The following PMP22 variants were observed in gnomAD, a reference collection of about 807,000 sequenced individuals.
PMP22 encodes peripheral myelin protein 22, also known as Charcot-Marie-Tooth neuropathy 1A (greatly reduced nerve conduction velocity, hereditary motor sensory neuropathy Ia).
A neutral mutation model predicts 18.9 loss-of-function variants in PMP22; 2 were observed. That is an observed-to-expected ratio of 0.11 (90% CI 0.04 to 0.33). The LOEUF (loss-of-function observed/expected upper bound fraction) is 0.33, where lower values mean the gene tolerates loss of function less well. Among genes scored for constraint, PMP22 ranks in the 10% least tolerant of loss-of-function variants. The probability of loss-of-function intolerance (pLI) is 1.00; values close to 1 mark genes in which losing one functional copy is unlikely to be tolerated. For missense variants in PMP22, 169 were observed against 202.2 expected (o/e 0.84, Z 1.00); for synonymous variants, 95 against 89.2 (o/e 1.07, Z -0.37).
In PMP22 at chr17:15,230,974, G is replaced by C. The variant is rs763227987; in HGVS notation, c.426C>G (p.Ala142=). 2 of 1,614,014 alleles carry C rather than the reference G, an allele frequency of 1.2e-6. No individual in the cohort carries two copies. The highest frequency in any genetic ancestry group is 1.7e-6 in the Non-Finnish European group (2 of 1,180,006). The change falls in exon 5 of 5, where the codon GCC becomes GCG. Residue 142 remains alanine (A), a synonymous_variant. Transcript: ENST00000312280. ...YGFAYILAWV[A]FPLALLSGVI... The stretch of plus-strand genomic sequence containing the variant: ...CACCGCTGAGAAGGGCCAGGGGGAA[G>C]GCCACCCAGGCCAGGATGTAGGCGA...
At position 15,253,977 on chromosome 17, in the gene PMP22, T is replaced by A. The variant is rs146031481; in HGVS notation, c.178+5117A>T. Among the ~76,000 whole-genome samples the A allele has an allele frequency of 2.6e-5, 4 of 152,310 alleles. No homozygotes were observed. The East Asian group carries it at 7.7e-4, about 29-fold the overall frequency. On this transcript the variant is annotated intron_variant, in intron 3 of 4. Transcript: ENST00000312280. The stretch of plus-strand genomic sequence containing the variant: ...GCAATAGTCTCTGGTACACGAGAGT[T>A]GTTCAAGAAATAGTCCTGCATGAAA...
At chr17:15,263,403 C>G (rs1487407781) in intron 1 of PMP22, among the ~76,000 whole-genome samples, 1 of 152,124 alleles carries the variant, frequency 6.6e-6, no homozygotes, top group Non-Finnish European at 1.5e-5. Context: ...TTCATAGCCT[C>G]CTAACGTGGC....
chr17:15,257,205 G>A (rs768263743), intron 3 of PMP22, among the ~76,000 whole-genome samples: 12 of 152,206 alleles, frequency 7.9e-5, no homozygotes, highest in Non-Finnish European at 1.8e-4. Flanking sequence ...TAACCCTAGT[G>A]CCTCTTTGAG....
At chr17:15,259,728 T>C (rs889391182) in intron 2 of PMP22, among the ~76,000 whole-genome samples, 5 of 149,966 alleles carry the variant, frequency 3.3e-5, no homozygotes, top group African/African-American at 1.2e-4. Context: ...GATCATGAGG[T>C]CAGGAGTTTG....
intron 3 of PMP22, among the ~76,000 whole-genome samples, chr17:15,241,293 C>G (rs957191065): frequency 6.6e-6 from 1 of 152,156 alleles, no homozygotes; most frequent in Non-Finnish European, 1.5e-5. Context: ...CATAGAGGTT[C>G]TTCTGGAGGA....
intron 4 of PMP22, among the ~76,000 whole-genome samples, chr17:15,238,037 T>C (rs7215851): frequency 0.22 from 33,265 of 151,998 alleles, 6,921 homozygotes; most frequent in African/African-American, 0.55. Context: ...TTACAGTTGT[T>C]TTTATTCCAA....
chr17:15,248,768 T>C (rs891118256), intron 3 of PMP22, among the ~76,000 whole-genome samples: 1 of 152,206 alleles, frequency 6.6e-6, no homozygotes, highest in Non-Finnish European at 1.5e-5. Flanking sequence ...TAATTCACAA[T>C]GTACCATGAA....
At chr17:15,253,743 G>A (rs992154896) in intron 3 of PMP22, among the ~76,000 whole-genome samples, 1 of 151,986 alleles carries the variant, frequency 6.6e-6, no homozygotes, top group Non-Finnish European at 1.5e-5. Context: ...TGCACTTGAC[G>A]GTCCTTCTGT....
chr17:15,237,966 T>C (rs1479054092), intron 4 of PMP22, among the ~76,000 whole-genome samples: 1 of 151,790 alleles, frequency 6.6e-6, no homozygotes, highest in African/African-American at 2.4e-5. Context: ...GATATGATCA[T>C]TATTTGATTT....
At chr17:15,260,297 A>G (rs1909202553) in intron 2 of PMP22, 3 of 296,692 alleles carry the variant, frequency 1.0e-5, no homozygotes, top group South Asian at 3.5e-5. Flanking sequence ...TGGTTTGGAG[A>G]AAAAAAAATC....
intron 4 of PMP22, among the ~76,000 whole-genome samples, chr17:15,231,579 C>T (rs1255158990): frequency 6.6e-6 from 1 of 152,190 alleles, no homozygotes; most frequent in African/African-American, 2.4e-5. Flanking sequence ...ACCACAGGGG[C>T]CTATGGTCCC....
intron 3 of PMP22, among the ~76,000 whole-genome samples, chr17:15,243,368 A>T (rs1293937234): frequency 6.6e-6 from 1 of 152,052 alleles, no homozygotes; most frequent in African/African-American, 2.4e-5. Flanking sequence ...TAATCTACAA[A>T]TTCAATGCTG....
At position 15,258,904 on chromosome 17, in the gene PMP22, G is replaced by A. The variant is rs1447335862; in HGVS notation, c.178+190C>T. The A allele has an allele frequency of 9.1e-6, 6 of 659,154 alleles. No homozygotes were observed. In the East Asian group the frequency reaches 1.7e-4, roughly 18 times the overall value. 40.8% of individuals were successfully genotyped at this position (659,154 alleles called of 1,614,324 possible). On this transcript the variant is annotated intron_variant, in intron 3 of 4. Coordinates refer to ENST00000312280, the MANE Select transcript of PMP22 (RefSeq NM_000304.4). The surrounding 1 kb of genome is among the most constrained non-coding windows in gnomAD (Gnocchi z 4.1). ...TAGAGTGAATCACAATGATGCCCAG[G>A]ATCTCAGCTTCCCCAGCGAGATCAC...
At chr17:15,238,326 C>A (rs1020598932) in intron 4 of PMP22, among the ~76,000 whole-genome samples, 1 of 152,226 alleles carries the variant, frequency 6.6e-6, no homozygotes, top group Non-Finnish European at 1.5e-5. Context: ...CAACATCTAA[C>A]CTTGGGCTGT....
chr17:15,254,531 T>C (rs956930196), intron 3 of PMP22, among the ~76,000 whole-genome samples: 10 of 152,130 alleles, frequency 6.6e-5, no homozygotes, highest in Admixed American at 2.0e-4. Context: ...AGGGGTTGAA[T>C]TGGCAGAGGA....
Position 15,230,857 on chromosome 17 carries a change from G to A in PMP22, c.*60C>T, listed in dbSNP as rs1906245716. ...GCTCTTTTTTCTTTGTCTGCTTTCT[G>A]TTTTCCCTTCCTCCCTTCCCTATGT... On this transcript the variant is annotated 3_prime_UTR_variant, in exon 5 of 5. Transcript: ENST00000312280. The A allele has an allele frequency of 1.3e-6, 2 of 1,580,350 alleles. No individual in the cohort carries two copies. The highest frequency in any genetic ancestry group is 8.7e-7 in the Non-Finnish European group (1 of 1,151,698).
At chr17:15,248,389 A>G (rs997351808) in intron 3 of PMP22, among the ~76,000 whole-genome samples, 2 of 152,216 alleles carry the variant, frequency 1.3e-5, no homozygotes, top group African/African-American at 2.4e-5. Flanking sequence ...TCTTCATGTC[A>G]AGGTATTCCA....
In PMP22 at chr17:15,261,697, G is replaced by C. The variant is rs145134361; in HGVS notation, c.-34-936C>G. On this transcript the variant is annotated intron_variant, in intron 1 of 4. Coordinates refer to ENST00000312280, the MANE Select transcript of PMP22 (RefSeq NM_000304.4). This position sits in a 1 kb window ranked among gnomAD's most constrained non-coding sequence, Gnocchi z 5.2. The stretch of plus-strand genomic sequence containing the variant: ...AGATGTCCAGCGGACGGGAGAGAGA[G>C]ACAGAGGGTAAAAGGCTGAGTCCGA... 5 of 152,420 alleles carry C rather than the reference G, an allele frequency of 3.3e-5. No individual in the cohort carries two copies. The East Asian group carries it at 9.7e-4, about 29-fold the overall frequency. 9.4% of individuals were successfully genotyped at this position (152,420 alleles called of 1,614,324 possible).
rs368662614 is a variant in PMP22 at position 15,258,012 on chromosome 17, A to T, written c.178+1082T>A. Among the ~76,000 whole-genome samples the T allele has an allele frequency of 4.6e-5, 7 of 152,234 alleles. No homozygotes were observed. The highest frequency in any genetic ancestry group is 1.4e-4 in the African/African-American group (6 of 41,470). ...GAAAGTCCAGCAAAGCAACTGGATT[A>T]TGCAAAGCCAGGACCAAAGGCCACT... On this transcript the variant is annotated intron_variant, in intron 3 of 4. Coordinates refer to ENST00000312280, the MANE Select transcript of PMP22 (RefSeq NM_000304.4). The surrounding 1 kb of genome is among the most constrained non-coding windows in gnomAD (Gnocchi z 4.1).
Sources: allele counts gnomAD v4.1 joint callset (sites outside exome capture counted in the v4.1 genomes callset), GRCh38; gene constraint gnomAD v4.1.1; non-coding constraint Gnocchi (gnomAD v3.1); transcripts MANE v1.5; gene names NCBI Gene and HGNC (gene_info 2026-07-23, HGNC 2026-07-21).